Variants in DLC1 observed in about 807,000 individuals in gnomAD.
DLC1 encodes rho GTPase-activating protein 7.
In DLC1, 54 loss-of-function variants were observed where a neutral mutation model predicts 140.3. The ratio of observed to expected loss-of-function variants is 0.38; its 90% CI spans 0.31 to 0.48. DLC1 has a LOEUF of 0.48. Ranked by LOEUF, DLC1 falls within the 20% of genes least tolerant of loss-of-function variation. The pLI is 0.96. For missense variants in DLC1, 2,536 were observed against 1,907.0 expected (o/e 1.33, Z -6.14); for synonymous variants, 986 against 728.1 (o/e 1.35, Z -5.70).
At chr8:13,573,848 G>T (rs186250909) in intron 1 of DLC1, among the ~76,000 whole-genome samples, 4 of 152,124 alleles carry the variant, frequency 2.6e-5, no homozygotes, top group Non-Finnish European at 4.4e-5. Flanking sequence ...TACATATGAC[G>T]TTAATATAAA....
chr8:13,139,421 A>C (rs1194087777), intron 5 of DLC1, among the ~76,000 whole-genome samples: 1 of 152,114 alleles, frequency 6.6e-6, no homozygotes. Flanking sequence ...CCAGCCCAGC[A>C]TAGTACTTTC....
intron 2 of DLC1, among the ~76,000 whole-genome samples, chr8:13,405,951 T>TTCTTTC (rs1368291258): frequency 6.9e-6 from 1 of 145,258 alleles, no homozygotes; most frequent in Non-Finnish European, 1.5e-5. Context: ...CTTTCTTTCT[T>TTCTTTC]TCTTTCTTTC....
At chr8:13,587,784 T>C (rs1309541554) in intron 1 of DLC1, among the ~76,000 whole-genome samples, 2 of 151,916 alleles carry the variant, frequency 1.3e-5, no homozygotes, top group Non-Finnish European at 2.9e-5. Context: ...AATGTGCTAG[T>C]CAATCTTTCA....
intron 12 of DLC1, 133 bp downstream of exon 12, chr8:13,094,626 A>G (rs1006994939): frequency 1.2e-5 from 13 of 1,096,230 alleles, no homozygotes; most frequent in South Asian, 1.1e-4. Flanking sequence ...AGGTCACGCC[A>G]CTGCACTCCA....
At chr8:13,593,181 C>T (rs2117478654) in intron 1 of DLC1, among the ~76,000 whole-genome samples, 1 of 152,194 alleles carries the variant, frequency 6.6e-6, no homozygotes, top group East Asian at 1.9e-4. Context: ...TAGCAGCAGG[C>T]CAAGAGGTGT....
chr8:13,273,381 A>G (rs1187853781), intron 5 of DLC1, among the ~76,000 whole-genome samples: 2 of 152,230 alleles, frequency 1.3e-5, no homozygotes, highest in Non-Finnish European at 2.9e-5. Context: ...CAAAGAAGAC[A>G]GAGTACCTTG....
Position 13,410,989 on chromosome 8 carries a change from C to T in DLC1, c.1024-9370G>A, listed in dbSNP as rs73205786. On this transcript the variant is annotated intron_variant, in intron 2 of 17. Coordinates refer to ENST00000276297, the MANE Select transcript of DLC1 (RefSeq NM_182643.3). ...TTTTATGGGTTTTTAAAAAATGAAC[C>T]CACCTGCAGAGCTGATTCTTGGAAA... is the stretch of plus-strand genomic sequence containing the variant. Among the ~76,000 whole-genome samples, 593 of 152,220 alleles carry T rather than the reference C, an allele frequency of 3.9e-3. 2 individuals are homozygous for T. Among genetic ancestry groups the T allele is most frequent in the Non-Finnish European group, 6.6e-3 (446 of 68,004 alleles).
chr8:13,307,235 A>G (rs1832481672), intron 4 of DLC1, among the ~76,000 whole-genome samples: 1 of 152,138 alleles, frequency 6.6e-6, no homozygotes, highest in South Asian at 2.1e-4. Context: ...GCATGCTTCC[A>G]AAGATGCAGA....
At chr8:13,272,531 T>A (rs553534893) in intron 5 of DLC1, among the ~76,000 whole-genome samples, 3 of 151,996 alleles carry the variant, frequency 2.0e-5, no homozygotes, top group African/African-American at 7.3e-5. Flanking sequence ...TTTAGTTGAG[T>A]TAAATTACAA....
chr8:13,415,463 G>C (rs1046277525), intron 2 of DLC1, among the ~76,000 whole-genome samples: 1 of 149,956 alleles, frequency 6.7e-6, no homozygotes, highest in Non-Finnish European at 1.5e-5. Flanking sequence ...GTAGTAGCGC[G>C]ACCATGGCTC....
intron 4 of DLC1, among the ~76,000 whole-genome samples, chr8:13,311,247 G>A (rs1258728113): frequency 2.6e-5 from 4 of 152,128 alleles, no homozygotes; most frequent in Non-Finnish European, 5.9e-5. Context: ...AGGGCTTTTT[G>A]TGGCCAGATG....
chr8:13,355,526 C>A (rs1204720488), intron 4 of DLC1, among the ~76,000 whole-genome samples: 2 of 152,156 alleles, frequency 1.3e-5, no homozygotes, highest in African/African-American at 4.8e-5. Context: ...TTGCAGGTGG[C>A]CCCTCTCTGG....
At chr8:13,303,801 C>CA (rs966281108) in intron 5 of DLC1, among the ~76,000 whole-genome samples, 9 of 150,040 alleles carry the variant, frequency 6.0e-5, no homozygotes, top group East Asian at 1.9e-4. Flanking sequence ...GACTCCATCT[C>CA]AAAAAAAAAT....
At chr8:13,123,316 C>T (rs1821263307) in intron 5 of DLC1, among the ~76,000 whole-genome samples, 1 of 151,938 alleles carries the variant, frequency 6.6e-6, no homozygotes, top group Non-Finnish European at 1.5e-5. Context: ...GCCCTGTCCC[C>T]CTGCTCCCTG....
chr8:13,247,785 G>T (rs972019217), intron 5 of DLC1, among the ~76,000 whole-genome samples: 2 of 152,198 alleles, frequency 1.3e-5, no homozygotes, highest in African/African-American at 2.4e-5. Flanking sequence ...GATTATCATA[G>T]ACTTGAGGCT....
intron 5 of DLC1, among the ~76,000 whole-genome samples, chr8:13,245,656 T>G (rs1036213705): frequency 6.6e-6 from 1 of 152,170 alleles, no homozygotes. Context: ...AGAAATTGTT[T>G]AGATAAATGC....
At chr8:13,366,599 CAAG>C (rs1323129035) in intron 4 of DLC1, among the ~76,000 whole-genome samples, 4 of 152,170 alleles carry the variant, frequency 2.6e-5, no homozygotes, top group Non-Finnish European at 4.4e-5. Flanking sequence ...CAAGTTCAGA[CAAG>C]AAGTTCAAAC....
chr8:13,533,077 T>A (rs781151535), intron 1 of DLC1, among the ~76,000 whole-genome samples: 3 of 152,200 alleles, frequency 2.0e-5, no homozygotes, highest in Non-Finnish European at 4.4e-5. Context: ...ACGCTATGTG[T>A]CATTAGTAAT....
chr8:13,086,791 G>A (rs962235812), intron 16 of DLC1, among the ~76,000 whole-genome samples: 2 of 152,148 alleles, frequency 1.3e-5, no homozygotes, highest in African/African-American at 2.4e-5. Flanking sequence ...TGGGAAGCTG[G>A]GGAGGGAGGA....
Sources: gnomAD v4.1 joint callset for allele counts (sites outside exome capture counted in the v4.1 genomes callset) on GRCh38, gnomAD v4.1.1 for gene constraint, MANE v1.5 for transcripts, NCBI Gene and HGNC (gene_info 2026-07-23, HGNC 2026-07-21) for gene names.